Variants in PLPPR3 observed in about 807,000 individuals in gnomAD.
The protein encoded by PLPPR3 is phospholipid phosphatase-related protein type 3.
PLPPR3 carries 14 observed loss-of-function variants against 27.3 expected under a neutral mutation model. The observed-to-expected ratio is 0.51, with a 90% confidence interval of 0.34 to 0.80. The LOEUF (loss-of-function observed/expected upper bound fraction) is 0.80, where lower values mean the gene tolerates loss of function less well. PLPPR3 is among the 30% of genes least tolerant of loss of function. The pLI, the probability that PLPPR3 is intolerant of heterozygous loss-of-function variation, is 0.01. For missense variants in PLPPR3, 1,287 were observed against 1,056.9 expected (o/e 1.22, Z -3.02); for synonymous variants, 671 against 508.0 (o/e 1.32, Z -4.32).
In PLPPR3 at chr19:815,247, G is replaced by C. The variant is rs1429737824; in HGVS notation, c.342C>G (p.Gly114=). Residue 114 remains glycine, a synonymous_variant, in exon 4 of 8, where the codon GGC becomes GGG. Coordinates refer to ENST00000520876, the MANE Select transcript of PLPPR3 (RefSeq NM_001270366.2). ...AGTTGCAGCCGCCGGCGTTGATGCTGCCCTCCGCCCCGGCGGGCCCCCCGG... is the reference window on the plus strand; with the variant it reads ...AGTTGCAGCCGCCGGCGTTGATGCTCCCCTCCGCCCCGGCGGGCCCCCCGG... ...GRAGGPAGAE[G]SINAGGCNFN... The C allele has an allele frequency of 7.6e-6, 12 of 1,578,276 alleles. No homozygotes were observed. Among genetic ancestry groups the C allele is most frequent in the African/African-American group, 1.4e-5 (1 of 73,714 alleles).
Position 814,975 on chromosome 19 carries a change from G to A in PLPPR3, c.510C>T (p.Tyr170=), listed in dbSNP as rs756858510. 25 of 1,612,506 alleles carry A rather than the reference G, an allele frequency of 1.6e-5. No homozygotes were observed. Among genetic ancestry groups the A allele is most frequent in the Admixed American group, 5.0e-5 (3 of 60,000 alleles). The part of the protein sequence containing the change: ...PFFLTVCKPN[Y]TLLGTSCEVN... Reference sequence around the variant, plus strand: ...CCTCGCAGGACGTGCCCAGGAGAGTGTAGTTGGGCTTGCAGACGGTGAGGA... The same window carrying A: ...CCTCGCAGGACGTGCCCAGGAGAGTATAGTTGGGCTTGCAGACGGTGAGGA... Residue 170 remains tyrosine, a synonymous_variant, in exon 5 of 8, where the codon TAC becomes TAT. Coordinates refer to ENST00000520876, the MANE Select transcript of PLPPR3 (RefSeq NM_001270366.2).
At position 815,248 on chromosome 19, in the gene PLPPR3, C is replaced by A. The variant is rs1479953230; in HGVS notation, c.341G>T (p.Gly114Val). 3 of 1,576,772 alleles carry A rather than the reference C, an allele frequency of 1.9e-6. No homozygotes were observed. Among genetic ancestry groups the A allele is most frequent in the South Asian group, 2.3e-5 (2 of 86,944 alleles). Reference sequence around the variant, plus strand: ...GTTGCAGCCGCCGGCGTTGATGCTGCCCTCCGCCCCGGCGGGCCCCCCGGC... The same window carrying A: ...GTTGCAGCCGCCGGCGTTGATGCTGACCTCCGCCCCGGCGGGCCCCCCGGC... ...GRAGGPAGAE[G>V]SINAGGCNFN... Residue 114 changes from glycine (G) to valine (V), a missense_variant, in exon 4 of 8, where the codon GGC becomes GTC. Physicochemically the swap from Gly to Val is moderately radical, Grantham distance 109. Coordinates refer to ENST00000520876, the MANE Select transcript of PLPPR3 (RefSeq NM_001270366.2).
At position 821,501 on chromosome 19, in the gene PLPPR3, C is replaced by A; in HGVS notation, c.59G>T (p.Cys20Phe). ...CCCACCCACCTCCACGAAGTAGAAG[C>A]AGGGCAGAAGCGTCATGCTGTCCTT... ...IPKDSMTLLPCFYFVELPIVA... is the reference protein window; with the variant it reads ...IPKDSMTLLPFFYFVELPIVA... Residue 20 changes from cysteine (C) to phenylalanine (F), a missense_variant, in exon 2 of 8, where the codon TGC (cysteine) becomes TTC (phenylalanine). By Grantham distance (205) the Cys-to-Phe change is radical. Transcript: ENST00000520876. 2.0e-6 allele frequency: 3 copies of A among 1,515,020 alleles called. No individual in the cohort carries two copies. In the Middle Eastern group the frequency reaches 5.2e-4, roughly 260 times the overall value. 93.8% of individuals were successfully genotyped at this position (1,515,020 alleles called of 1,614,324 possible). A position where few individuals can be genotyped will look rare whatever the true frequency, so the allele number is the denominator to read the frequency against.
intron 2 of PLPPR3, among the ~76,000 whole-genome samples, chr19:818,565 G>T (rs1423248286): frequency 1.3e-5 from 2 of 151,470 alleles, no homozygotes; most frequent in African/African-American, 4.9e-5. Context: ...TTGGAGTCTC[G>T]CTCTGTCGCC....
Position 813,228 on chromosome 19 carries a change from C to A in PLPPR3, c.1499G>T (p.Gly500Val). ...GGACAGGCCGGCCCCCGTCTGCGCG[C>A]CCTCCTCCGGGATGTGCACCAGCGG... ...PPPLVHIPEE[G>V]AQTGAGLSPK... The change falls in exon 8 of 8, where the codon GGC becomes GTC. Residue 500 changes from glycine to valine, a missense_variant. Transcript: ENST00000520876. This position sits in a 1 kb window ranked among gnomAD's most constrained non-coding sequence, Gnocchi z 4.1. The A allele has an allele frequency of 6.7e-7, 1 of 1,486,680 alleles. No individual in the cohort carries two copies. The allele number at this position is 1,486,680 out of a possible 1,614,324, so 92.1% of individuals were successfully genotyped here. A position where few individuals can be genotyped will look rare whatever the true frequency, so the allele number is the denominator to read the frequency against.
chr19:823,628 C>T (rs2035182244), upstream of PLPPR3, among the ~76,000 whole-genome samples: 1 of 152,142 alleles, frequency 6.6e-6, no homozygotes, highest in Admixed American at 6.5e-5. Context: ...TGGATGGACT[C>T]GGAGGCAGCC....
rs1218214138 is a variant in PLPPR3, at chr19:813,807, G to A, written c.920C>T (p.Thr307Met). 8.6e-6 allele frequency: 13 copies of A among 1,519,834 alleles called. No individual in the cohort carries two copies. The highest frequency in any genetic ancestry group is 4.9e-5 in the South Asian group (4 of 82,186). 94.1% of individuals were successfully genotyped at this position (1,519,834 alleles called of 1,614,324 possible). Residue 307 changes from threonine to methionine, a missense_variant, in exon 8 of 8, where the codon ACG (threonine) becomes ATG (methionine). Physicochemically the swap from Thr to Met is moderately conservative, Grantham distance 81 (BLOSUM62 -1). Coordinates refer to ENST00000520876, the MANE Select transcript of PLPPR3 (RefSeq NM_001270366.2). This position sits in a 1 kb window ranked among gnomAD's most constrained non-coding sequence, Gnocchi z 4.1. Reference protein sequence around the residue: ...APAKDALRALTQRGHDSVYQQ... With the variant: ...APAKDALRALMQRGHDSVYQQ... The stretch of plus-strand genomic sequence containing the variant: ...ATAAACCGAGTCGTGGCCCCGCTGC[G>A]TCAGGGCCCGCAGCGCGTCCTTGGC...
chr19:821,798 C>CG (rs1462186310), intron 1 of PLPPR3, 117 bp downstream of exon 1: 15 of 208,588 alleles, frequency 7.2e-5, no homozygotes, highest in Non-Finnish European at 1.1e-4. Flanking sequence ...CCGAGGAGGG[C>CG]GGGGGGTCTC....
intron 2 of PLPPR3, among the ~76,000 whole-genome samples, chr19:821,096 T>G (rs2035136667): frequency 6.6e-6 from 1 of 152,128 alleles, no homozygotes; most frequent in South Asian, 2.1e-4. Flanking sequence ...AGCCTCACCA[T>G]TAGCAGAGGT....
intron 2 of PLPPR3, among the ~76,000 whole-genome samples, chr19:818,548 C>CT (rs1168555201): frequency 2.6e-5 from 4 of 151,034 alleles, no homozygotes; most frequent in South Asian, 2.1e-4. Context: ...TAAATACATA[C>CT]TTTTTTTTGG....
upstream of PLPPR3, among the ~76,000 whole-genome samples, chr19:823,449 A>AAAACAAACAAAC (rs2035177817): frequency 1.4e-5 from 2 of 141,834 alleles, no homozygotes; most frequent in African/African-American, 5.8e-5. Context: ...CTCAAAAAAA[A>AAAACAAACAAAC]AAAAAAAAAC....
At position 814,684 on chromosome 19, in the gene PLPPR3, G is replaced by C. The variant is rs143962053; in HGVS notation, c.657+8C>G. ...GGCCTGGGAAGGGCAGTGAGGGGCC[G>C]GACTCACCGACACATAGACCGCGGC... On this transcript the variant is annotated splice_region_variant and intron_variant, in intron 6 of 7. Coordinates refer to ENST00000520876, the MANE Select transcript of PLPPR3 (RefSeq NM_001270366.2). 1 of 1,604,072 alleles carries C rather than the reference G, an allele frequency of 6.2e-7. No individual in the cohort carries two copies. The highest frequency in any genetic ancestry group is 1.7e-5 in the Admixed American group (1 of 59,972).
upstream of PLPPR3, among the ~76,000 whole-genome samples, chr19:823,678 G>T (rs938109401): frequency 4.6e-5 from 7 of 152,206 alleles, no homozygotes; most frequent in Non-Finnish European, 1.5e-5. Context: ...GCCTGGGGAG[G>T]GGTCTTTGGC....
At chr19:822,729 G>A (rs2035167407), upstream of PLPPR3, among the ~76,000 whole-genome samples, 1 of 152,208 alleles carries the variant, frequency 6.6e-6, no homozygotes, top group African/African-American at 2.4e-5. Context: ...GCGGGGTAGG[G>A]GCTGGTTGAC....
chr19:813,266 G>T lies in PLPPR3; in HGVS notation c.1461C>A (p.Arg487=). 1.4e-6 allele frequency: 2 copies of T among 1,472,216 alleles called. No homozygotes were observed. Among genetic ancestry groups the T allele is most frequent in the Non-Finnish European group, 1.8e-6 (2 of 1,121,736 alleles). 91.2% of individuals were successfully genotyped at this position (1,472,216 alleles called of 1,614,324 possible). A position where few individuals can be genotyped will look rare whatever the true frequency, so the allele number is the denominator to read the frequency against. Reference sequence around the variant, plus strand: ...TGTGCACCAGCGGCGGCGGCCCCGCGCGCGGTGGGAGGATGACCCGAGGCC... The same window carrying T: ...TGTGCACCAGCGGCGGCGGCCCCGCTCGCGGTGGGAGGATGACCCGAGGCC... ...GLGPRVILPP[R]AGPPPLVHIP... Residue 487 remains arginine (R), a synonymous_variant, in exon 8 of 8, where the codon CGC becomes CGA. Coordinates refer to ENST00000520876, the MANE Select transcript of PLPPR3 (RefSeq NM_001270366.2). This position sits in a 1 kb window ranked among gnomAD's most constrained non-coding sequence, Gnocchi z 4.1.
rs887134166 is a variant in PLPPR3, at chr19:812,852, C to A, written c.1875G>T (p.Ala625=). Residue 625 remains alanine, a synonymous_variant, in exon 8 of 8, where the codon GCG becomes GCT. Coordinates refer to ENST00000520876, the MANE Select transcript of PLPPR3 (RefSeq NM_001270366.2). ...ADGGYELGDL[A]RGFRGGAKPP... ...GCTTGGCCCCGCCGCGGAAGCCGCG[C>A]GCCAGGTCCCCCAGCTCGTAGCCGC... 2.3e-5 allele frequency: 26 copies of A among 1,151,324 alleles called. No homozygotes were observed. Among genetic ancestry groups the A allele is most frequent in the Non-Finnish European group, 2.6e-5 (24 of 933,872 alleles). The allele number at this position is 1,151,324 out of a possible 1,614,324, so 71.3% of individuals were successfully genotyped here.
At chr19:820,102 C>T (rs1568287592) in intron 2 of PLPPR3, among the ~76,000 whole-genome samples, 1 of 152,098 alleles carries the variant, frequency 6.6e-6, no homozygotes, top group Non-Finnish European at 1.5e-5. Context: ...TCTACCTGGG[C>T]CTCCCAATGT....
At position 815,777 on chromosome 19, in the gene PLPPR3, C is replaced by T. The variant is rs1166376051; in HGVS notation, c.150G>A (p.Val50=). The change falls in exon 3 of 8, where the codon GTG becomes GTA. Residue 50 remains valine, a synonymous_variant. Transcript: ENST00000520876. ...ELTDLFKPAK[V]GFQCYDRTLS... The stretch of plus-strand genomic sequence containing the variant: ...GAGTGCGGTCATAGCACTGGAAGCC[C>T]ACCTTGGCCGGCTTGAAGAGGTCGG... 7 of 1,612,872 alleles carry T rather than the reference C, an allele frequency of 4.3e-6. No homozygotes were observed. Among genetic ancestry groups the T allele is most frequent in the Middle Eastern group, 3.3e-4 (2 of 6,058 alleles).
At chr19:821,873 G>T in intron 1 of PLPPR3, 42 bp downstream of exon 1, 1 of 242,764 alleles carries the variant, frequency 4.1e-6, no homozygotes, top group Non-Finnish European at 7.8e-6. Flanking sequence ...TCCGGGCGGC[G>T]GAGGAGACTG....
Sources: gnomAD v4.1 joint callset for allele counts (sites outside exome capture counted in the v4.1 genomes callset) on GRCh38, gnomAD v4.1.1 for gene constraint, Gnocchi (gnomAD v3.1) non-coding constraint, MANE v1.5 for transcripts, NCBI Gene and HGNC (gene_info 2026-07-23, HGNC 2026-07-21) for gene names.